IMMP2L: variants seen among roughly 807,000 people sequenced by gnomAD.
IMMP2L encodes the protein mitochondrial inner membrane protease subunit 2.
A neutral mutation model predicts 19.3 loss-of-function variants in IMMP2L; 18 were observed. The observed-to-expected ratio is 0.93, with a 90% CI of 0.64 to 1.38. IMMP2L has a LOEUF of 1.38. Ranked by LOEUF, IMMP2L falls within the 40% of genes most tolerant of loss-of-function variation. The pLI, the probability that IMMP2L is intolerant of heterozygous loss-of-function variation, is 0.00. For missense variants in IMMP2L, 233 were observed against 218.2 expected, an observed-to-expected ratio of 1.07 and a Z score of -0.43; for synonymous variants, 76 against 73.0, an observed-to-expected ratio of 1.04 and a Z score of -0.21.
chr7:111,002,558 A>G (rs1263979494), intron 3 of IMMP2L, among the ~76,000 whole-genome samples: 1 of 152,190 alleles, frequency 6.6e-6, no homozygotes, highest in Non-Finnish European at 1.5e-5. Context: ...AAGGCCTGTC[A>G]GAGGCTATAA....
chr7:111,509,837 A>G (rs979346820), intron 2 of IMMP2L, among the ~76,000 whole-genome samples: 2 of 152,174 alleles, frequency 1.3e-5, no homozygotes, highest in African/African-American at 4.8e-5. Flanking sequence ...TTTAATGATC[A>G]TAATTTCATT....
intron 3 of IMMP2L, among the ~76,000 whole-genome samples, chr7:111,409,441 C>CA (rs1191028313): frequency 6.6e-6 from 1 of 151,764 alleles, no homozygotes; most frequent in Non-Finnish European, 1.5e-5. Flanking sequence ...ATTACAACTG[C>CA]ATGTTTTCAT....
chr7:111,484,209 C>T (rs1299025721), intron 3 of IMMP2L, among the ~76,000 whole-genome samples: 2 of 152,040 alleles, frequency 1.3e-5, no homozygotes, highest in East Asian at 1.9e-4. Flanking sequence ...TTATTAGAAA[C>T]TTCATGTCTT....
At chr7:111,326,517 C>T (rs1447257362) in intron 3 of IMMP2L, among the ~76,000 whole-genome samples, 1 of 151,716 alleles carries the variant, frequency 6.6e-6, no homozygotes, top group Non-Finnish European at 1.5e-5. Flanking sequence ...TAACATATTC[C>T]TCATTAAGAT....
At chr7:110,997,182 A>T (rs563613226) in intron 3 of IMMP2L, among the ~76,000 whole-genome samples, 1 of 152,252 alleles carries the variant, frequency 6.6e-6, no homozygotes, top group Admixed American at 6.6e-5. Context: ...TTTACTCAGC[A>T]GGATCCCTTT....
intron 5 of IMMP2L, among the ~76,000 whole-genome samples, chr7:110,826,222 C>G (rs966744551): frequency 1.3e-5 from 2 of 152,164 alleles, no homozygotes; most frequent in Admixed American, 1.3e-4. Flanking sequence ...AACAGGAACA[C>G]TTTTACACTG....
At chr7:110,833,461 G>A (rs1048861038) in intron 5 of IMMP2L, among the ~76,000 whole-genome samples, 205 of 142,418 alleles carry the variant, frequency 1.4e-3, no homozygotes, top group African/African-American at 5.0e-3. Context: ...AAAAAAGAGA[G>A]AGAGAGCTTT....
At chr7:111,073,714 G>C (rs148170799) in intron 3 of IMMP2L, among the ~76,000 whole-genome samples, 1 of 152,090 alleles carries the variant, frequency 6.6e-6, no homozygotes, top group East Asian at 1.9e-4. Context: ...GGCATCTTCT[G>C]TTAACTCTCT....
chr7:111,243,429 C>A (rs1815410526), intron 3 of IMMP2L, among the ~76,000 whole-genome samples: 1 of 151,686 alleles, frequency 6.6e-6, no homozygotes, highest in Non-Finnish European at 1.5e-5. Context: ...ATAGGTTTTC[C>A]AGTCCTTCAT....
Position 111,521,391 on chromosome 7 carries a change from G to C in IMMP2L, c.57C>G (p.Phe19Leu), listed in dbSNP as rs1330096718. 2 of 1,613,056 alleles carry C rather than the reference G, an allele frequency of 1.2e-6. No homozygotes were observed. The highest frequency in any genetic ancestry group is 2.7e-5 in the African/African-American group (2 of 74,864). Reference sequence around the variant, plus strand: ...TCACTGCCACAGGCACCGCCACAAAGAAGCCTTTACAAAAGGCCTTGATGT... The same window carrying C: ...TCACTGCCACAGGCACCGCCACAAACAAGCCTTTACAAAAGGCCTTGATGT... ...KRYIKAFCKGFFVAVPVAVTF... is the reference protein window; with the variant it reads ...KRYIKAFCKGLFVAVPVAVTF... The change falls in exon 2 of 6, where the codon TTC (phenylalanine) becomes TTG (leucine). Residue 19 changes from phenylalanine to leucine, a missense_variant. Physicochemically the swap from Phe to Leu is conservative, Grantham distance 22. Transcript: ENST00000405709.
rs900626678 is a variant in IMMP2L at position 111,322,928 on chromosome 7, A to AT, written c.239+164309dup. ...GTTCATAGCATTAAATACTTACATA[A>AT]TTTTTTTTTTACAAAAGTAAATAAA... On this transcript the variant is annotated intron_variant, in intron 3 of 5. Coordinates refer to ENST00000405709, the MANE Select transcript of IMMP2L (RefSeq NM_032549.4). Among the ~76,000 whole-genome samples, 418 of 149,736 alleles carry AT rather than the reference A, an allele frequency of 2.8e-3. 3 individuals carry two copies. The highest frequency in any genetic ancestry group is 8.9e-3 in the African/African-American group (366 of 40,946).
chr7:111,302,061 A>G (rs1422292093), intron 3 of IMMP2L, among the ~76,000 whole-genome samples: 1 of 151,652 alleles, frequency 6.6e-6, no homozygotes, highest in Non-Finnish European at 1.5e-5. Flanking sequence ...CTCACACTGC[A>G]CAGGCCCAGG....
At chr7:110,805,372 T>C (rs576224800) in intron 5 of IMMP2L, among the ~76,000 whole-genome samples, 2 of 151,810 alleles carry the variant, frequency 1.3e-5, no homozygotes, top group Non-Finnish European at 2.9e-5. Flanking sequence ...CTAGAAAAAA[T>C]TCCTGGAATA....
intron 3 of IMMP2L, among the ~76,000 whole-genome samples, chr7:111,147,010 C>G (rs1803549034): frequency 6.6e-6 from 1 of 152,026 alleles, no homozygotes; most frequent in African/African-American, 2.4e-5. Flanking sequence ...TTTCAGAGCT[C>G]TTCTATTTAG....
At chr7:111,048,758 G>T (rs1792699406) in intron 3 of IMMP2L, among the ~76,000 whole-genome samples, 1 of 152,030 alleles carries the variant, frequency 6.6e-6, no homozygotes, top group Non-Finnish European at 1.5e-5. Flanking sequence ...AAGACAACTT[G>T]GTCAGAGCAG....
chr7:110,753,486 G>A (rs528700197), intron 5 of IMMP2L, among the ~76,000 whole-genome samples: 1 of 152,082 alleles, frequency 6.6e-6, no homozygotes, highest in Admixed American at 6.6e-5. Context: ...TGTTATATAG[G>A]ATTTGTGTAT....
chr7:111,530,700 A>G (rs1003628105), intron 1 of IMMP2L, among the ~76,000 whole-genome samples: 1 of 151,390 alleles, frequency 6.6e-6, no homozygotes, highest in Admixed American at 6.6e-5. Context: ...GGCTAAAAAG[A>G]AAAAAAAAGG....
intron 3 of IMMP2L, among the ~76,000 whole-genome samples, chr7:111,148,732 A>C (rs1803751442): frequency 6.6e-6 from 1 of 151,764 alleles, no homozygotes; most frequent in Non-Finnish European, 1.5e-5. Context: ...AATTGCAAAC[A>C]GTGGATGACA....
At chr7:111,463,886 T>C (rs908730143) in intron 3 of IMMP2L, among the ~76,000 whole-genome samples, 2 of 152,222 alleles carry the variant, frequency 1.3e-5, no homozygotes, top group African/African-American at 4.8e-5. Flanking sequence ...TTACATAATT[T>C]GTTTATCAAA....
Sources: allele counts gnomAD v4.1 joint callset (sites outside exome capture counted in the v4.1 genomes callset), GRCh38; gene constraint gnomAD v4.1.1; transcripts MANE v1.5; gene names NCBI Gene and HGNC (gene_info 2026-07-23, HGNC 2026-07-21).